VEZT: variants seen among roughly 807,000 people sequenced by gnomAD.
VEZT encodes vezatin, adherens junctions transmembrane protein.
In VEZT, 39 loss-of-function variants were observed where a neutral mutation model predicts 79.9. That is an observed-to-expected ratio of 0.49 (90% CI 0.38 to 0.64). The LOEUF (loss-of-function observed/expected upper bound fraction) is 0.64. Ranked by LOEUF, VEZT falls within the 30% of genes least tolerant of loss-of-function variation. The pLI, the probability that VEZT is intolerant of heterozygous loss-of-function variation, is 0.00. For synonymous variants in VEZT, 325 were observed against 327.6 expected (o/e 0.99, Z 0.09); for missense variants, 837 against 893.1 (o/e 0.94, Z 0.80).
chr12:95,227,814 A>C (rs2058707217), intron 1 of VEZT, among the ~76,000 whole-genome samples: 1 of 152,214 alleles, frequency 6.6e-6, no homozygotes, highest in Non-Finnish European at 1.5e-5. Flanking sequence ...CTATTCCTAG[A>C]GGGAAGAGTG....
rs2075296042 is a variant in VEZT, at chr12:95,302,277, T to A, written c.*1604T>A. On this transcript the variant is annotated 3_prime_UTR_variant, in exon 12 of 12. Transcript: ENST00000436874. ...GGAAGAATTAGAGTTTAATAATTTT[T>A]AATTCTTTTATTGTATGTTACTTTT... 1 of 152,200 alleles carries A rather than the reference T, an allele frequency of 6.6e-6. No individual in the cohort carries two copies. The highest frequency in any genetic ancestry group is 2.4e-5 in the African/African-American group (1 of 41,466). The allele number at this position is 152,200 out of a possible 1,614,324, so 9.4% of individuals were successfully genotyped here. A position where few individuals can be genotyped will look rare whatever the true frequency, so the allele number is the denominator to read the frequency against.
intron 7 of VEZT, among the ~76,000 whole-genome samples, chr12:95,279,462 A>G (rs2068510308): frequency 6.6e-6 from 1 of 152,198 alleles, no homozygotes; most frequent in African/African-American, 2.4e-5. Context: ...TTAAATCAAA[A>G]TTTTCTGTTT....
intron 9 of VEZT, among the ~76,000 whole-genome samples, chr12:95,291,248 C>T (rs1371598709): frequency 2.6e-5 from 4 of 152,182 alleles, no homozygotes; most frequent in East Asian, 1.9e-4. Flanking sequence ...TATGTGTGTG[C>T]GCATGTGTAT....
At chr12:95,269,300 T>C (rs1480272122) in intron 5 of VEZT, among the ~76,000 whole-genome samples, 1 of 152,214 alleles carries the variant, frequency 6.6e-6, no homozygotes, top group Non-Finnish European at 1.5e-5. Flanking sequence ...ATTAATCTTA[T>C]GGGAAGTGCC....
At chr12:95,275,349 T>C (rs1174025593) in intron 7 of VEZT, among the ~76,000 whole-genome samples, 2 of 152,174 alleles carry the variant, frequency 1.3e-5, no homozygotes, top group Non-Finnish European at 2.9e-5. Context: ...TCCCAGCACT[T>C]TGGGAGGCCA....
chr12:95,218,057 T>A, intron 1 of VEZT, 171 bp downstream of exon 1: 1 of 538,752 alleles, frequency 1.9e-6, no homozygotes, highest in Non-Finnish European at 3.0e-6. Context: ...GCCTGACAGG[T>A]GTAGCCAGAG....
chr12:95,240,629 G>A (rs1205571935), intron 1 of VEZT, among the ~76,000 whole-genome samples: 2 of 152,104 alleles, frequency 1.3e-5, no homozygotes, highest in African/African-American at 4.8e-5. Context: ...ATTAGTAGCT[G>A]ATTAAAATTT....
intron 6 of VEZT, 53 bp downstream of exon 6, chr12:95,270,241 T>A (rs1428467250): frequency 6.7e-7 from 1 of 1,497,464 alleles, no homozygotes; most frequent in Non-Finnish European, 9.0e-7. Flanking sequence ...GAGTCCTGAA[T>A]ATAGATATTA....
intron 7 of VEZT, among the ~76,000 whole-genome samples, 165 bp from the exon 8 acceptor site, chr12:95,282,148 A>G (rs1168524366): frequency 1.3e-5 from 2 of 152,116 alleles, no homozygotes; most frequent in Non-Finnish European, 2.9e-5. Context: ...ATAATTTGAA[A>G]TCATATTCTT....
intron 11 of VEZT, among the ~76,000 whole-genome samples, chr12:95,298,266 T>A (rs1045322815): frequency 6.6e-6 from 1 of 152,134 alleles, no homozygotes; most frequent in South Asian, 2.1e-4. Context: ...CCGCCTCTCC[T>A]AACACTACAG....
chr12:95,240,261 T>C (rs1051633069), intron 1 of VEZT, among the ~76,000 whole-genome samples: 38 of 152,184 alleles, frequency 2.5e-4, no homozygotes, highest in African/African-American at 8.2e-4. Context: ...GCTAGGTTTA[T>C]TGAGATATCT....
intron 1 of VEZT, among the ~76,000 whole-genome samples, chr12:95,246,304 G>T (rs2061711325): frequency 6.6e-6 from 1 of 152,020 alleles, no homozygotes; most frequent in Admixed American, 6.6e-5. Flanking sequence ...TGTGTTTTTA[G>T]TAGAGACGGG....
rs866109109 is a variant in VEZT, at chr12:95,282,251, G to T, written c.997-62G>T. 8.5e-5 allele frequency: 118 copies of T among 1,392,400 alleles called. No homozygotes were observed. The Middle Eastern group carries it at 1.3e-3, about 15-fold the overall frequency. The allele number at this position is 1,392,400 out of a possible 1,614,324, so 86.3% of individuals were successfully genotyped here. Reference sequence around the variant, plus strand: ...AGAAGTTAAGATAAACAAATTTATAGTTTGTTTTGAACACTGACCAATATT... The same window carrying T: ...AGAAGTTAAGATAAACAAATTTATATTTTGTTTTGAACACTGACCAATATT... On this transcript the variant is annotated intron_variant, in intron 7 of 11. Transcript: ENST00000436874.
intron 3 of VEZT, among the ~76,000 whole-genome samples, chr12:95,259,950 C>G (rs1304910086): frequency 6.6e-6 from 1 of 152,042 alleles, no homozygotes; most frequent in East Asian, 1.9e-4. Flanking sequence ...CAATTTAAAC[C>G]GTTATAATAA....
rs182132277 is a variant in VEZT at position 95,261,626 on chromosome 12, G to T, written c.259-1280G>T. ...GGGTTTCACCATATTGGCCAGGCTG[G>T]TCTCGAAATCCTGACCTCAGGTGAT... is the stretch of plus-strand genomic sequence containing the variant. On this transcript the variant is annotated intron_variant, in intron 3 of 11. Coordinates refer to ENST00000436874, the MANE Select transcript of VEZT (RefSeq NM_017599.4). 1.5e-4 allele frequency among the ~76,000 whole-genome samples: 23 copies of T among 152,286 alleles called. 1 individual carries two copies. In the East Asian group the frequency reaches 4.4e-3, roughly 29 times the overall value.
intron 1 of VEZT, among the ~76,000 whole-genome samples, chr12:95,234,234 GTAAAT>G (rs1236327142): frequency 6.8e-6 from 1 of 147,582 alleles, no homozygotes; most frequent in Non-Finnish European, 1.5e-5. Context: ...TGGCCTTATT[GTAAAT>G]TAAAAAACTG....
chr12:95,296,527 G>T, intron 11 of VEZT: 1 of 247,024 alleles, frequency 4.0e-6, no homozygotes, highest in South Asian at 1.3e-4. Flanking sequence ...TGAATAATTT[G>T]GGATATTTTA....
chr12:95,232,828 CAG>C (rs1200837517), intron 1 of VEZT, among the ~76,000 whole-genome samples: 2 of 152,012 alleles, frequency 1.3e-5, no homozygotes, highest in African/African-American at 2.4e-5. Context: ...TTTTTTGAGA[CAG>C]AGTCTCACTC....
At chr12:95,235,739 C>T (rs1322857469) in intron 1 of VEZT, among the ~76,000 whole-genome samples, 8 of 151,024 alleles carry the variant, frequency 5.3e-5, no homozygotes, top group South Asian at 2.1e-4. Flanking sequence ...CCCTCCCGGA[C>T]GGGGTGGTTG....
Sources: gnomAD v4.1 joint callset for allele counts (sites outside exome capture counted in the v4.1 genomes callset) on GRCh38, gnomAD v4.1.1 for gene constraint, MANE v1.5 for transcripts, NCBI Gene and HGNC (gene_info 2026-07-23, HGNC 2026-07-21) for gene names.